IMMP2L: variants seen among roughly 807,000 people sequenced by gnomAD.
IMMP2L encodes the protein inner mitochondrial membrane peptidase subunit 2.
IMMP2L carries 18 observed loss-of-function variants against 19.3 expected under a neutral mutation model. The ratio of observed to expected loss-of-function variants is 0.93; its 90% confidence interval spans 0.64 to 1.38. The LOEUF (loss-of-function observed/expected upper bound fraction) is 1.38. Among genes scored for constraint, IMMP2L ranks in the 40% most tolerant of loss-of-function variants. IMMP2L has a pLI of 0.00. For synonymous variants in IMMP2L, 76 were observed against 73.0 expected (o/e 1.04, Z -0.21); for missense variants, 233 against 218.2 (o/e 1.07, Z -0.43).
chr7:111,195,276 T>C (rs957551714), intron 3 of IMMP2L, among the ~76,000 whole-genome samples: 2 of 152,150 alleles, frequency 1.3e-5, no homozygotes, highest in Admixed American at 1.3e-4. Context: ...TTAATATTTT[T>C]GGAAGATTAG....
intron 3 of IMMP2L, among the ~76,000 whole-genome samples, chr7:111,315,366 TTACTAAA>T (rs1823948375): frequency 6.6e-6 from 1 of 152,038 alleles, no homozygotes; most frequent in Admixed American, 6.6e-5. Context: ...TTATGATACT[TTACTAAA>T]AAGTATTTAT....
chr7:111,315,408 T>C (rs1421639368), intron 3 of IMMP2L, among the ~76,000 whole-genome samples: 1 of 151,430 alleles, frequency 6.6e-6, no homozygotes, highest in Non-Finnish European at 1.5e-5. Context: ...AGCCTATGAG[T>C]CCCTTAATGG....
At position 111,539,184 on chromosome 7, in the gene IMMP2L, GAAGGAAGGAGGGAGAA is replaced by G. The variant is rs1563330342; in HGVS notation, c.-2-17751_-2-17736del. Among the ~76,000 whole-genome samples, 128 of 70,472 alleles carry G rather than the reference GAAGGAAGGAGGGAGAA, an allele frequency of 1.8e-3. 8 individuals are homozygous for G. Among genetic ancestry groups the G allele is most frequent in the African/African-American group, 3.3e-3 (47 of 14,396 alleles). 46.2% of individuals were successfully genotyped at this position (70,472 alleles called of 152,430 possible). On this transcript the variant is annotated intron_variant, in intron 1 of 5. Coordinates refer to ENST00000405709, the MANE Select transcript of IMMP2L (RefSeq NM_032549.4). Reference sequence around the variant, plus strand: ...GGAAGGAAGGAAGGAAGGAAGGAAGGAAGGAAGGAGGGAGAAAGAAAGAAAGAAAGAAAGAAAGAAA... The same window carrying G: ...GGAAGGAAGGAAGGAAGGAAGGAAGGAGAAAGAAAGAAAGAAAGAAAGAAA...
At chr7:111,426,134 C>T (rs994336222) in intron 3 of IMMP2L, among the ~76,000 whole-genome samples, 2 of 150,852 alleles carry the variant, frequency 1.3e-5, no homozygotes, top group African/African-American at 4.9e-5. Context: ...TGTAGGTAAC[C>T]TTATAATACA....
At chr7:110,734,158 G>A (rs558422932) in intron 5 of IMMP2L, among the ~76,000 whole-genome samples, 248 of 152,264 alleles carry the variant, frequency 1.6e-3, no homozygotes, top group African/African-American at 5.7e-3. Flanking sequence ...GGGCATTGAG[G>A]GCAATACTGG....
At chr7:111,192,207 T>C (rs776479806) in intron 3 of IMMP2L, among the ~76,000 whole-genome samples, 1 of 152,110 alleles carries the variant, frequency 6.6e-6, no homozygotes, top group Non-Finnish European at 1.5e-5. Flanking sequence ...GATCAGATTA[T>C]TTTATGCCCT....
chr7:110,853,179 A>G (rs1246521889), intron 5 of IMMP2L, among the ~76,000 whole-genome samples: 1 of 151,992 alleles, frequency 6.6e-6, no homozygotes, highest in Non-Finnish European at 1.5e-5. Flanking sequence ...TAGAAATAAG[A>G]CAAACACAAA....
At chr7:110,685,652 AC>A (rs1277995527) in intron 5 of IMMP2L, among the ~76,000 whole-genome samples, 1 of 152,110 alleles carries the variant, frequency 6.6e-6, no homozygotes, top group Non-Finnish European at 1.5e-5. Context: ...TTTTGTCCCA[AC>A]CAATTTTCTT....
intron 5 of IMMP2L, among the ~76,000 whole-genome samples, chr7:110,863,870 A>C (rs1807709998): frequency 6.6e-6 from 1 of 152,102 alleles, no homozygotes; most frequent in Non-Finnish European, 1.5e-5. Context: ...CTACTGACCA[A>C]AGCAAGTCAC....
intron 3 of IMMP2L, among the ~76,000 whole-genome samples, chr7:111,007,666 T>G (rs887758792): frequency 6.6e-6 from 1 of 152,086 alleles, no homozygotes; most frequent in Non-Finnish European, 1.5e-5. Flanking sequence ...TGTACACATA[T>G]AGACATGTAT....
In IMMP2L at chr7:111,321,532, A is replaced by G. The variant is rs187396296; in HGVS notation, c.239+165706T>C. Among the ~76,000 whole-genome samples the G allele has an allele frequency of 4.6e-4, 70 of 151,994 alleles. No homozygotes were observed. In the East Asian group the frequency reaches 0.013, roughly 29 times the overall value. Reference sequence around the variant, plus strand: ...AACAATCTTTTTTTTTCTCTAAATTATTAATATTTATCTTTGAGGTTGAGA... The same window carrying G: ...AACAATCTTTTTTTTTCTCTAAATTGTTAATATTTATCTTTGAGGTTGAGA... On this transcript the variant is annotated intron_variant, in intron 3 of 5. Transcript: ENST00000405709.
chr7:111,018,881 T>C (rs970378723), intron 3 of IMMP2L, among the ~76,000 whole-genome samples: 41 of 150,902 alleles, frequency 2.7e-4, no homozygotes, highest in African/African-American at 9.7e-4. Flanking sequence ...CACAATGGCA[T>C]TGATTTAAAA....
At chr7:111,018,730 T>G (rs1360756801) in intron 3 of IMMP2L, among the ~76,000 whole-genome samples, 1 of 151,564 alleles carries the variant, frequency 6.6e-6, no homozygotes, top group African/African-American at 2.4e-5. Flanking sequence ...AACCAAAATT[T>G]GGATGACATA....
chr7:111,400,088 C>T (rs1348019537), intron 3 of IMMP2L, among the ~76,000 whole-genome samples: 2 of 152,094 alleles, frequency 1.3e-5, no homozygotes, highest in Admixed American at 6.6e-5. Flanking sequence ...GACCTCTCAA[C>T]GTATCTGATC....
At chr7:111,072,760 T>C (rs985914758) in intron 3 of IMMP2L, among the ~76,000 whole-genome samples, 1 of 151,226 alleles carries the variant, frequency 6.6e-6, no homozygotes, top group African/African-American at 2.4e-5. Flanking sequence ...CCGGGCGAGG[T>C]GGTAGGCATC....
chr7:110,738,318 G>A (rs1223446558), intron 5 of IMMP2L, among the ~76,000 whole-genome samples: 1 of 152,066 alleles, frequency 6.6e-6, no homozygotes. Flanking sequence ...ACATTATACA[G>A]GATATGAAAG....
At chr7:110,907,660 A>G (rs1812611861) in intron 4 of IMMP2L, among the ~76,000 whole-genome samples, 1 of 152,318 alleles carries the variant, frequency 6.6e-6, no homozygotes, top group African/African-American at 2.4e-5. Context: ...GTCCCTATCA[A>G]TAGTTTCTAG....
At chr7:110,988,371 T>C (rs1822075615) in intron 3 of IMMP2L, among the ~76,000 whole-genome samples, 1 of 151,946 alleles carries the variant, frequency 6.6e-6, no homozygotes, top group South Asian at 2.1e-4. Context: ...ATAGTAGAGG[T>C]TCAAGCATGG....
intron 5 of IMMP2L, among the ~76,000 whole-genome samples, chr7:110,724,964 G>T (rs193135253): frequency 6.6e-6 from 1 of 152,118 alleles, no homozygotes; most frequent in African/African-American, 2.4e-5. Flanking sequence ...ATTTAACTAC[G>T]CCATTATACT....
Sources: allele counts gnomAD v4.1 joint callset (sites outside exome capture counted in the v4.1 genomes callset), GRCh38; gene constraint gnomAD v4.1.1; transcripts MANE v1.5; gene names NCBI Gene and HGNC (gene_info 2026-07-23, HGNC 2026-07-21).